XAB2: variants seen among roughly 807,000 people sequenced by gnomAD.
XAB2 encodes pre-mRNA-splicing factor SYF1.
In XAB2, 57 loss-of-function variants were observed where a neutral mutation model predicts 113.4. That is an observed-to-expected ratio of 0.50 (90% confidence interval 0.41 to 0.63). XAB2 has a LOEUF of 0.63. XAB2 is among the 20% of genes least tolerant of loss of function. The pLI is 0.00. For missense variants in XAB2, 1,037 were observed against 1,233.3 expected, an observed-to-expected ratio of 0.84 and a Z score of 2.38; for synonymous variants, 497 against 498.8, an observed-to-expected ratio of 1.00 and a Z score of 0.05.
Position 7,622,785 on chromosome 19 carries a change from C to T in XAB2, c.1348G>A (p.Asp450Asn), listed in dbSNP as rs774506749. Residue 450 changes from aspartate (D) to asparagine (N), a missense_variant, in exon 10 of 19, where the codon GAT becomes AAT. Asp to Asn is a conservative substitution (Grantham distance 23, BLOSUM62 1). Coordinates refer to ENST00000358368, the MANE Select transcript of XAB2 (RefSeq NM_020196.3). Reference protein sequence around the residue: ...GELELRHENYDEALRLLRKAT... With the variant: ...GELELRHENYNEALRLLRKAT... ...ACTCGCAGCAGCCGCAAGGCCTCATCGTAGTTCTCGTGTCGGAGCTCCAGC... is the reference window on the plus strand; with the variant it reads ...ACTCGCAGCAGCCGCAAGGCCTCATTGTAGTTCTCGTGTCGGAGCTCCAGC... 9.7e-5 allele frequency: 156 copies of T among 1,614,006 alleles called. No individual in the cohort carries two copies. The highest frequency in any genetic ancestry group is 1.3e-4 in the Non-Finnish European group (148 of 1,180,044).
rs565468851 is a variant in XAB2, at chr19:7,627,234, T to G, written c.522+9A>C. On this transcript the variant is annotated intron_variant, in intron 4 of 18. Transcript: ENST00000358368. This position sits in a 1 kb window ranked among gnomAD's most constrained non-coding sequence, Gnocchi z 4.5. ...TAACCTGGGGAACCAGCGCACCTGCTAGGCTCACCTTGAGGAAGCGCCGAT... is the reference window on the plus strand; with the variant it reads ...TAACCTGGGGAACCAGCGCACCTGCGAGGCTCACCTTGAGGAAGCGCCGAT... The G allele has an allele frequency of 8.7e-6, 14 of 1,611,108 alleles. No homozygotes were observed. Among genetic ancestry groups the G allele is most frequent in the Non-Finnish European group, 1.2e-5 (14 of 1,179,850 alleles).
intron 15 of XAB2, 23 bp from the exon 16 acceptor site, chr19:7,620,469 G>T (rs2031006908): frequency 2.5e-6 from 4 of 1,608,422 alleles, no homozygotes; most frequent in Non-Finnish European, 3.4e-6. Flanking sequence ...CAGGGCAGGG[G>T]TGGGTGTGTG....
At chr19:7,626,392 C>A in intron 4 of XAB2, 122 bp from the exon 5 acceptor site, 1 of 1,399,058 alleles carries the variant, frequency 7.1e-7, no homozygotes, top group Non-Finnish European at 9.8e-7. Context: ...AAAAGCAAGC[C>A]CTGTCAAACC....
At chr19:7,629,167 C>T (rs2031205018) in intron 1 of XAB2, among the ~76,000 whole-genome samples, 1 of 152,354 alleles carries the variant, frequency 6.6e-6, no homozygotes, top group African/African-American at 2.4e-5. Context: ...CTTCACCTCT[C>T]AAGGTTCAGT....
At position 7,628,418 on chromosome 19, in the gene XAB2, C is replaced by G; in HGVS notation, c.52-120G>C. ...CTTTTACCTAGATCCCACCACCCAC[C>G]AAGGAAGTCAGGTCACCAGATGCCC... On this transcript the variant is annotated intron_variant, in intron 1 of 18. Transcript: ENST00000358368. This position sits in a 1 kb window ranked among gnomAD's most constrained non-coding sequence, Gnocchi z 4.6. The G allele has an allele frequency of 7.8e-7, 1 of 1,277,644 alleles. No homozygotes were observed. Among genetic ancestry groups the G allele is most frequent in the Non-Finnish European group, 1.1e-6 (1 of 925,544 alleles). 79.1% of individuals were successfully genotyped at this position (1,277,644 alleles called of 1,614,324 possible). A position where few individuals can be genotyped will look rare whatever the true frequency, so the allele number is the denominator to read the frequency against.
At position 7,625,661 on chromosome 19, in the gene XAB2, T is replaced by C. The variant is rs1440332194; in HGVS notation, c.822+219A>G. Reference sequence around the variant, plus strand: ...GTCTGACTAATTTTTGTATTTTTAGTAGTGATGGGGTTTCACCATGTTGGC... The same window carrying C: ...GTCTGACTAATTTTTGTATTTTTAGCAGTGATGGGGTTTCACCATGTTGGC... On this transcript the variant is annotated intron_variant, in intron 6 of 18. Transcript: ENST00000358368. This position sits in a 1 kb window ranked among gnomAD's most constrained non-coding sequence, Gnocchi z 5.2. 6.6e-6 allele frequency among the ~76,000 whole-genome samples: 1 copy of C among 152,006 alleles called. No homozygotes were observed. Among genetic ancestry groups the C allele is most frequent in the Non-Finnish European group, 1.5e-5 (1 of 68,002 alleles).
At position 7,625,975 on chromosome 19, in the gene XAB2, T is replaced by C. The variant is rs770411201; in HGVS notation, c.727A>G (p.Ile243Val). ...DKVQSLNVDA[I>V]IRGGLTRFTD... is the part of the protein sequence containing the mutation. ...AAGCGGGTGAGGCCCCCGCGGATGATGGCGTCCACATTGAGGGACTGTACC... is the reference window on the plus strand; with the variant it reads ...AAGCGGGTGAGGCCCCCGCGGATGACGGCGTCCACATTGAGGGACTGTACC... Residue 243 changes from isoleucine to valine, a missense_variant, in exon 6 of 19, where the codon ATC becomes GTC. Coordinates refer to ENST00000358368, the MANE Select transcript of XAB2 (RefSeq NM_020196.3). This position sits in a 1 kb window ranked among gnomAD's most constrained non-coding sequence, Gnocchi z 5.2. 1.2e-6 allele frequency: 2 copies of C among 1,613,742 alleles called. No homozygotes were observed. The highest frequency in any genetic ancestry group is 1.3e-5 in the African/African-American group (1 of 74,944).
At position 7,622,362 on chromosome 19, in the gene XAB2, T is replaced by C; in HGVS notation, c.1586A>G (p.Glu529Gly). The change falls in exon 12 of 19, where the codon GAG becomes GGG. Residue 529 changes from glutamate (E) to glycine (G), a missense_variant. By Grantham distance (98) the Glu-to-Gly change is moderately conservative. Transcript: ENST00000358368. The stretch of plus-strand genomic sequence containing the variant: ...GCTCTCCTCGAAGTACTTGTGCTCC[T>C]CCAGGAACATGGCATAGTTGATGAC... ...QIVINYAMFL[E>G]EHKYFEESFK... is the part of the protein sequence containing the mutation. 6.2e-7 allele frequency: 1 copy of C among 1,614,176 alleles called. No individual in the cohort carries two copies. The highest frequency in any genetic ancestry group is 2.2e-5 in the East Asian group (1 of 44,884).
rs1019858153 is a variant in XAB2 at position 7,627,636 on chromosome 19, C to T, written c.324+92G>A. On this transcript the variant is annotated intron_variant, in intron 3 of 18. Transcript: ENST00000358368. This position sits in a 1 kb window ranked among gnomAD's most constrained non-coding sequence, Gnocchi z 4.5. ...GCAACAGGAATCCAAGCCCCCATCC[C>T]TAACATGCTGAGCCCAGCCCCTGTC... 5 of 1,575,356 alleles carry T rather than the reference C, an allele frequency of 3.2e-6. No homozygotes were observed. In the Admixed American group the frequency reaches 6.9e-5, roughly 22 times the overall value.
chr19:7,629,268 C>T (rs1234307672), intron 1 of XAB2, among the ~76,000 whole-genome samples: 1 of 152,240 alleles, frequency 6.6e-6, no homozygotes, highest in Non-Finnish European at 1.5e-5. Context: ...CAGTGGTTTT[C>T]TACTCAGACC....
rs750012010 is a variant in XAB2 at position 7,624,497 on chromosome 19, G to A, written c.823-52C>T. ...GAGAGGAAAGTGGCGCAGGGGACAG[G>A]CAGCAGCACTCTTAGCACCAGCCTC... On this transcript the variant is annotated intron_variant, in intron 6 of 18. Transcript: ENST00000358368. The surrounding 1 kb of genome is among the most constrained non-coding windows in gnomAD (Gnocchi z 4.2). 1.2e-6 allele frequency: 2 copies of A among 1,610,948 alleles called. No individual in the cohort carries two copies. Among genetic ancestry groups the A allele is most frequent in the East Asian group, 2.2e-5 (1 of 44,862 alleles).
At chr19:7,626,364 T>C in intron 4 of XAB2, 94 bp from the exon 5 acceptor site, 5 of 1,526,614 alleles carry the variant, frequency 3.3e-6, no homozygotes, top group Non-Finnish European at 4.4e-6. Context: ...CCCCCACCCA[T>C]TTATGAGTGT....
chr19:7,620,687 GGAGGCCGGGAGT>G lies in XAB2; in HGVS notation c.1972-30_1972-19del. 12 of 1,611,296 alleles carry G rather than the reference GGAGGCCGGGAGT, an allele frequency of 7.4e-6. No individual in the cohort carries two copies. The highest frequency in any genetic ancestry group is 2.2e-5 in the South Asian group (2 of 91,048). On this transcript the variant is annotated intron_variant, in intron 14 of 18. Transcript: ENST00000358368. ...GACAGCACCTGGACACCGGGGTTGGGGAGGCCGGGAGTGAGGCCGGGGTAGCTCGGGGGCTCC... is the reference window on the plus strand; with the variant it reads ...GACAGCACCTGGACACCGGGGTTGGGGAGGCCGGGGTAGCTCGGGGGCTCC...
rs1599373568 is a variant in XAB2, at chr19:7,626,285, A to C, written c.523-15T>G. The C allele has an allele frequency of 6.2e-7, 1 of 1,602,534 alleles. No individual in the cohort carries two copies. Among genetic ancestry groups the C allele is most frequent in the Non-Finnish European group, 8.5e-7 (1 of 1,175,264 alleles). ...TCAGGACTCAGCTGGGGACCGAGCC[A>C]CCCCTCAGGCAGTCAGTGGGGTGGC... On this transcript the variant is annotated splice_polypyrimidine_tract_variant and intron_variant, in intron 4 of 18. Coordinates refer to ENST00000358368, the MANE Select transcript of XAB2 (RefSeq NM_020196.3).
Position 7,622,913 on chromosome 19 carries a change from C to T in XAB2, c.1240-20G>A, listed in dbSNP as rs185739711. On this transcript the variant is annotated intron_variant, in intron 9 of 18. Transcript: ENST00000358368. The stretch of plus-strand genomic sequence containing the variant: ...ACGGGCCTGCCGGGGCGGGCAGAGG[C>T]GAGGCTGAGACCCTGCCCACCTGGA... 2.9e-5 allele frequency: 47 copies of T among 1,611,506 alleles called. No homozygotes were observed. The highest frequency in any genetic ancestry group is 7.7e-5 in the South Asian group (7 of 90,696).
In XAB2 at chr19:7,626,135, C is replaced by A; in HGVS notation, c.657+1G>T. The A allele has an allele frequency of 6.2e-7, 1 of 1,613,544 alleles. No individual in the cohort carries two copies. Among genetic ancestry groups the A allele is most frequent in the Non-Finnish European group, 8.5e-7 (1 of 1,179,906 alleles). ...CAGTTGCCGGCTCCCGGCAGGCCCA[C>A]CTGGTAGTTGGACTTGCCGGCCTTA... On this transcript the variant is annotated splice_donor_variant, in intron 5 of 18. Transcript: ENST00000358368. LOFTEE classifies it high-confidence loss of function.
rs1413502968 is a variant in XAB2 at position 7,627,798 on chromosome 19, C to T, written c.254G>A (p.Arg85His). The change falls in exon 3 of 19, where the codon CGC becomes CAC. Residue 85 changes from arginine (R) to histidine (H), a missense_variant. Coordinates refer to ENST00000358368, the MANE Select transcript of XAB2 (RefSeq NM_020196.3). This position sits in a 1 kb window ranked among gnomAD's most constrained non-coding sequence, Gnocchi z 4.5. ...TTCATAGGCAGGGTCGGTCACACAG[C>T]GATGCTTCACCTGTGCCCGACGCGC... ...LKARRAQVKH[R>H]CVTDPAYEDV... 7 of 1,613,988 alleles carry T rather than the reference C, an allele frequency of 4.3e-6. No homozygotes were observed. The highest frequency in any genetic ancestry group is 2.2e-5 in the East Asian group (1 of 44,886).
intron 17 of XAB2, 45 bp from the exon 18 acceptor site, chr19:7,619,901 T>G: frequency 6.2e-6 from 10 of 1,609,640 alleles, no homozygotes; most frequent in Non-Finnish European, 8.5e-6. Flanking sequence ...CCGGGCCCCC[T>G]TGGGACCTGT....
chr19:7,622,149 C>T, intron 12 of XAB2, 182 bp downstream of exon 12: 2 of 612,418 alleles, frequency 3.3e-6, no homozygotes, highest in Non-Finnish European at 2.9e-6. Context: ...GGAACCAGCC[C>T]TGCCCATGCC....
Sources: allele counts gnomAD v4.1 joint callset (sites outside exome capture counted in the v4.1 genomes callset), GRCh38; gene constraint gnomAD v4.1.1; non-coding constraint Gnocchi (gnomAD v3.1); transcripts MANE v1.5; gene names NCBI Gene and HGNC (gene_info 2026-07-23, HGNC 2026-07-21).